Variants in RNF213 observed in about 807,000 individuals in gnomAD.
RNF213 encodes ring finger protein 213.
Under a neutral mutation model 514.4 loss-of-function variants are expected in RNF213, and 341 were observed. That is an observed-to-expected ratio of 0.66 (90% CI 0.61 to 0.73). The LOEUF (loss-of-function observed/expected upper bound fraction) is 0.73. RNF213 is among the 30% of genes least tolerant of loss of function. RNF213 has a pLI of 0.00. For missense variants in RNF213, 5,767 were observed against 6,615.6 expected (o/e 0.87, Z 4.45); for synonymous variants, 2,655 against 2,658.2 (o/e 1.00, Z 0.04).
Position 80,372,730 on chromosome 17 carries a change from C to T in RNF213, c.12747C>T (p.Gly4249=), listed in dbSNP as rs867629220. ...AADFLSEPEG[G]PEMAKEKQCY... ...ATTTCCTCTCGGAGCCTGAGGGAGG[C>T]CCAGGCAAGTCTTCTCTGCCTTGCT... is the stretch of plus-strand genomic sequence containing the variant. The change falls in exon 48 of 68, where the codon GGC becomes GGT. Residue 4249 remains glycine, a synonymous_variant. Coordinates refer to ENST00000582970, the MANE Select transcript of RNF213 (RefSeq NM_001256071.3). 1.2e-6 allele frequency: 2 copies of T among 1,613,112 alleles called. No homozygotes were observed. Among genetic ancestry groups the T allele is most frequent in the Non-Finnish European group, 8.5e-7 (1 of 1,179,910 alleles).
Position 80,295,913 on chromosome 17 carries a change from G to A in RNF213, c.2012+100G>A, listed in dbSNP as rs916727400. The A allele has an allele frequency of 1.3e-5, 18 of 1,400,804 alleles. No homozygotes were observed. In the African/African-American group the frequency reaches 2.6e-4, roughly 20 times the overall value. 86.8% of individuals were successfully genotyped at this position (1,400,804 alleles called of 1,614,324 possible). On this transcript the variant is annotated intron_variant, in intron 10 of 67. Coordinates refer to ENST00000582970, the MANE Select transcript of RNF213 (RefSeq NM_001256071.3). Reference sequence around the variant, plus strand: ...GACTAGAGTGACTGAAAGCACACAGGCAAGAAATAAAACCACCCGTGATTT... The same window carrying A: ...GACTAGAGTGACTGAAAGCACACAGACAAGAAATAAAACCACCCGTGATTT...
chr17:80,354,156 C>T lies in RNF213; in HGVS notation c.10716C>T (p.Asp3572=), dbSNP rs143485810. The change falls in exon 35 of 68, where the codon GAC becomes GAT. Residue 3572 remains aspartate (D), a synonymous_variant. Coordinates refer to ENST00000582970, the MANE Select transcript of RNF213 (RefSeq NM_001256071.3). ...VLLLGLLNED[D]ACHASFLRVS... is the part of the protein sequence containing the mutation. Reference sequence around the variant, plus strand: ...TCCTGGGCCTCTTGAATGAGGATGACGCGTGCCACGGTATGAGCCTCCCCA... The same window carrying T: ...TCCTGGGCCTCTTGAATGAGGATGATGCGTGCCACGGTATGAGCCTCCCCA... 1,108 of 1,613,772 alleles carry T rather than the reference C, an allele frequency of 6.9e-4. 7 individuals are homozygous for T. The highest frequency in any genetic ancestry group is 7.5e-4 in the African/African-American group (56 of 75,060).
chr17:80,368,433 G>GTTTTT (rs5822349), intron 44 of RNF213, among the ~76,000 whole-genome samples: 1 of 137,080 alleles, frequency 7.3e-6, no homozygotes, highest in South Asian at 2.3e-4. Context: ...AGACGCCAGT[G>GTTTTT]TTTTTTTTTT....
At position 80,377,461 on chromosome 17, in the gene RNF213, T is replaced by C. The variant is rs1007835368; in HGVS notation, c.13511-301T>C. 7.4e-5 allele frequency among the ~76,000 whole-genome samples: 11 copies of C among 148,870 alleles called. No individual in the cohort carries two copies. The highest frequency in any genetic ancestry group is 2.2e-4 in the African/African-American group (9 of 40,602). On this transcript the variant is annotated intron_variant, in intron 53 of 67. Coordinates refer to ENST00000582970, the MANE Select transcript of RNF213 (RefSeq NM_001256071.3). The surrounding 1 kb of genome is among the most constrained non-coding windows in gnomAD (Gnocchi z 4.1). Reference sequence around the variant, plus strand: ...ACAAAAAAAAAAAAATCAAGGAAAATAGAAAGGTCTAGAATCCTGTCCACC... The same window carrying C: ...ACAAAAAAAAAAAAATCAAGGAAAACAGAAAGGTCTAGAATCCTGTCCACC...
chr17:80,322,365 C>T (rs912560917), intron 17 of RNF213, among the ~76,000 whole-genome samples: 2 of 151,790 alleles, frequency 1.3e-5, no homozygotes, highest in Non-Finnish European at 2.9e-5. Flanking sequence ...CATGGTGGCT[C>T]ATGCCTGTAG....
chr17:80,384,928 G>T lies in RNF213; in HGVS notation c.14323-111G>T. The T allele has an allele frequency of 3.5e-6, 4 of 1,144,096 alleles. No homozygotes were observed. The Middle Eastern group carries it at 6.3e-4, about 182-fold the overall frequency. 70.9% of individuals were successfully genotyped at this position (1,144,096 alleles called of 1,614,324 possible). A position where few individuals can be genotyped will look rare whatever the true frequency, so the allele number is the denominator to read the frequency against. On this transcript the variant is annotated intron_variant, in intron 59 of 67. Transcript: ENST00000582970. Reference sequence around the variant, plus strand: ...ACGCTGCATCACAGGAAATGACACTGACCAGATTAAGCTACAAATACAAGT... The same window carrying T: ...ACGCTGCATCACAGGAAATGACACTTACCAGATTAAGCTACAAATACAAGT...
chr17:80,265,477 G>C (rs1293516766), intron 2 of RNF213, among the ~76,000 whole-genome samples: 1 of 152,226 alleles, frequency 6.6e-6, no homozygotes, highest in Admixed American at 6.5e-5. Context: ...CCAGGAATTT[G>C]GTGACTCTGT....
At chr17:80,334,420 T>C in intron 22 of RNF213, 150 bp downstream of exon 22, 1 of 782,252 alleles carries the variant, frequency 1.3e-6, no homozygotes, top group South Asian at 1.9e-5. Context: ...TTTAGGGAGA[T>C]GGGCACTGAT....
At chr17:80,316,553 G>C (rs1290222025) in intron 15 of RNF213, 1 of 168,540 alleles carries the variant, frequency 5.9e-6, no homozygotes, top group Non-Finnish European at 1.3e-5. Flanking sequence ...ACAGGAGCTG[G>C]AGCACGAGAG....
At chr17:80,383,106 G>T in intron 58 of RNF213, 36 bp downstream of exon 58, 1 of 1,468,576 alleles carries the variant, frequency 6.8e-7, no homozygotes, top group Non-Finnish European at 9.5e-7. Context: ...GTTGCTCCTC[G>T]GTCCAGAAAG....
chr17:80,290,592 G>A lies in RNF213; in HGVS notation c.1135G>A (p.Val379Ile), dbSNP rs2044685075. ...KASTLSPGGGVTVFFHAIISL... is the reference protein window; with the variant it reads ...KASTLSPGGGITVFFHAIISL... ...CAGCACGCTGAGCCCGGGTGGAGGAGTCACCGTGTTCTTCCACGCCATCAT... is the reference window on the plus strand; with the variant it reads ...CAGCACGCTGAGCCCGGGTGGAGGAATCACCGTGTTCTTCCACGCCATCAT... The change falls in exon 7 of 68, where the codon GTC (valine) becomes ATC (isoleucine). Residue 379 changes from valine to isoleucine, a missense_variant. Around this residue, in one of 13 missense-constraint regions of RNF213, gnomAD observed 509 missense variants for 496.7 expected, o/e 1.02. Coordinates refer to ENST00000582970, the MANE Select transcript of RNF213 (RefSeq NM_001256071.3). 3 of 1,613,956 alleles carry A rather than the reference G, an allele frequency of 1.9e-6. No homozygotes were observed. Among genetic ancestry groups the A allele is most frequent in the African/African-American group, 2.7e-5 (2 of 74,930 alleles).
chr17:80,389,719 G>A, intron 65 of RNF213, 109 bp from the exon 66 acceptor site: 13 of 925,134 alleles, frequency 1.4e-5, no homozygotes, highest in Non-Finnish European at 2.1e-5. Flanking sequence ...GTACAGGGCA[G>A]AACGAAGAGA....
At position 80,396,729 on chromosome 17, in the gene RNF213, C is replaced by CT. The variant is rs1568183090; in HGVS notation, c.*3231_*3232insT. On this transcript the variant is annotated 3_prime_UTR_variant, in exon 68 of 68. Coordinates refer to ENST00000582970, the MANE Select transcript of RNF213 (RefSeq NM_001256071.3). ...ACAAGCGCCAGGAAAGTGCATTTCC[C>CT]CCCCACCCCCCCCCCCCAACCAGAG... 3.6e-5 allele frequency: 1 copy of CT among 27,506 alleles called. No homozygotes were observed. Among genetic ancestry groups the CT allele is most frequent in the South Asian group, 9.5e-4 (1 of 1,058 alleles). 1.7% of individuals were successfully genotyped at this position (27,506 alleles called of 1,614,324 possible). A position where few individuals can be genotyped will look rare whatever the true frequency, so the allele number is the denominator to read the frequency against.
Position 80,347,585 on chromosome 17 carries a change from T to C in RNF213, c.9250T>C (p.Cys3084Arg). 6.2e-7 allele frequency: 1 copy of C among 1,614,180 alleles called. No homozygotes were observed. The highest frequency in any genetic ancestry group is 8.5e-7 in the Non-Finnish European group (1 of 1,180,048). The change falls in exon 29 of 68, where the codon TGC (cysteine) becomes CGC (arginine). Residue 3084 changes from cysteine to arginine, a missense_variant. Cys to Arg is a radical substitution (Grantham distance 180, BLOSUM62 -3). Transcript: ENST00000582970. The surrounding 1 kb of genome is among the most constrained non-coding windows in gnomAD (Gnocchi z 7.2). ...FPKDQEYTQL[C>R]RNINRVKICM... ...CAAGGACCAAGAGTACACCCAGCTC[T>C]GCAGAAACATCAATCGTGTGAAGAT...
At position 80,346,455 on chromosome 17, in the gene RNF213, TC is replaced by T; in HGVS notation, c.8121del (p.Ile2707MetfsTer19). 6.2e-7 allele frequency: 1 copy of T among 1,613,778 alleles called. No individual in the cohort carries two copies. The highest frequency in any genetic ancestry group is 8.5e-7 in the Non-Finnish European group (1 of 1,180,022). On this transcript the variant is annotated frameshift_variant, in exon 29 of 68. Coordinates refer to ENST00000582970, the MANE Select transcript of RNF213 (RefSeq NM_001256071.3). LOFTEE classifies it high-confidence loss of function. This position sits in a 1 kb window ranked among gnomAD's most constrained non-coding sequence, Gnocchi z 8.1. ...AAGAAAGACTCATATCGGAAAGCCA[TC>T]GCCAGGTTCTTTCCGAAACCGTATG... ...LEKKDSYRKA[I>X]ARFFPKPYDD...
Position 80,358,433 on chromosome 17 carries a change from A to G in RNF213, c.11008A>G (p.Ser3670Gly), listed in dbSNP as rs1490371073. The change falls in exon 37 of 68, where the codon AGT becomes GGT. Residue 3670 changes from serine to glycine, a missense_variant. Ser to Gly is a moderately conservative substitution (Grantham distance 56). Transcript: ENST00000582970. ...WARDLWMFIF[S>G]DTMLLNIPLV... The stretch of plus-strand genomic sequence containing the variant: ...AAGAGATCTTTGGATGTTTATTTTC[A>G]GTGACACGATGCTTCTGAACATTCC... 2 of 1,614,076 alleles carry G rather than the reference A, an allele frequency of 1.2e-6. No individual in the cohort carries two copies. Among genetic ancestry groups the G allele is most frequent in the African/African-American group, 2.7e-5 (2 of 74,930 alleles).
chr17:80,349,677 A>T (rs753235888), intron 29 of RNF213, 93 bp from the exon 30 acceptor site: 3 of 1,384,346 alleles, frequency 2.2e-6, no homozygotes, highest in South Asian at 2.3e-5. Flanking sequence ...CGCGCTGAAC[A>T]TCGCAGGTTT....
At chr17:80,333,598 G>T (rs1012021368) in intron 21 of RNF213, among the ~76,000 whole-genome samples, 3 of 151,520 alleles carry the variant, frequency 2.0e-5, no homozygotes, top group African/African-American at 7.3e-5. Context: ...AGAGGCTGAG[G>T]CAGGAGGATC....
intron 15 of RNF213, chr17:80,316,678 C>A (rs1467234372): frequency 3.4e-5 from 8 of 234,094 alleles, no homozygotes; most frequent in African/African-American, 1.8e-4. Context: ...TCTTAGGAGA[C>A]CCTGCCCAGG....
Sources: allele counts gnomAD v4.1 joint callset (sites outside exome capture counted in the v4.1 genomes callset), GRCh38; gene constraint gnomAD v4.1.1; regional missense constraint gnomAD v4.1.1; non-coding constraint Gnocchi (gnomAD v3.1); transcripts MANE v1.5; gene names NCBI Gene and HGNC (gene_info 2026-07-23, HGNC 2026-07-21).